Variants in ZXDC observed in about 807,000 individuals in gnomAD.
ZXDC encodes ZXD family zinc finger C.
In ZXDC, 58 loss-of-function variants were observed where a neutral mutation model predicts 63.6. That is an observed-to-expected ratio of 0.91 (90% confidence interval 0.74 to 1.13). The LOEUF (loss-of-function observed/expected upper bound fraction) is 1.13, where lower values mean the gene tolerates loss of function less well. ZXDC is among the 50% of genes most tolerant of loss of function. The pLI is 0.00. For synonymous variants in ZXDC, 561 were observed against 496.1 expected, an observed-to-expected ratio of 1.13 and a Z score of -1.74; for missense variants, 1,133 against 1,148.9, an observed-to-expected ratio of 0.99 and a Z score of 0.20.
intron 7 of ZXDC, 74 bp from the exon 8 acceptor site, chr3:126,442,020 C>T (rs1047333710): frequency 1.4e-6 from 2 of 1,432,656 alleles, no homozygotes; most frequent in Non-Finnish European, 1.8e-6. Context: ...CAAGGTCTCA[C>T]TATGGGGAAG....
intron 9 of ZXDC, among the ~76,000 whole-genome samples, chr3:126,439,168 T>C (rs1221563217): frequency 6.6e-6 from 1 of 152,252 alleles, no homozygotes; most frequent in Non-Finnish European, 1.5e-5. Context: ...ACAATTTGCA[T>C]GGCTTATTGT....
chr3:126,444,233 T>C (rs1367845733), intron 7 of ZXDC, among the ~76,000 whole-genome samples: 1 of 152,168 alleles, frequency 6.6e-6, no homozygotes, highest in African/African-American at 2.4e-5. Context: ...TGAAACATGT[T>C]ATTATATTAG....
At position 126,462,041 on chromosome 3, in the gene ZXDC, C is replaced by T. The variant is rs1934571714; in HGVS notation, c.1621G>A (p.Asp541Asn). The change falls in exon 6 of 10, where the codon GAC becomes AAC. Residue 541 changes from aspartate to asparagine, a missense_variant. Transcript: ENST00000389709. Reference sequence around the variant, plus strand: ...AGAGAGGAGCTCACAGAAGTGACGTCAATAGTCAGGATTCCGGAGTTCAGA... The same window carrying T: ...AGAGAGGAGCTCACAGAAGTGACGTTAATAGTCAGGATTCCGGAGTTCAGA... ...EALNSGILTI[D>N]VTSVSSSLGG... is the part of the protein sequence containing the mutation. The T allele has an allele frequency of 6.2e-7, 1 of 1,614,106 alleles. No individual in the cohort carries two copies. Among genetic ancestry groups the T allele is most frequent in the African/African-American group, 1.3e-5 (1 of 75,008 alleles).
chr3:126,440,704 CCTCT>C (rs767910159), intron 8 of ZXDC: 4 of 985,662 alleles, frequency 4.1e-6, no homozygotes, highest in South Asian at 4.7e-5. Flanking sequence ...TGCTCCTGCC[CCTCT>C]CTAAGACAAG....
At chr3:126,444,335 A>G (rs542748957) in intron 7 of ZXDC, among the ~76,000 whole-genome samples, 17 of 152,340 alleles carry the variant, frequency 1.1e-4, no homozygotes, top group Middle Eastern at 3.4e-3. Flanking sequence ...GATCGAGACC[A>G]TCCTGGCTAA....
intron 7 of ZXDC, chr3:126,453,530 T>G (rs1244151224): frequency 1.0e-6 from 1 of 985,472 alleles, no homozygotes; most frequent in East Asian, 1.1e-4. Context: ...ATCAAGTGTT[T>G]CTAAGACCCT....
chr3:126,466,717 T>C (rs1169676875), intron 4 of ZXDC, among the ~76,000 whole-genome samples: 1 of 152,044 alleles, frequency 6.6e-6, no homozygotes, highest in Non-Finnish European at 1.5e-5. Context: ...AAAAATGTAA[T>C]CCTAGGATGA....
intron 8 of ZXDC, chr3:126,441,410 C>G (rs545668259): frequency 2.0e-4 from 210 of 1,071,560 alleles, no homozygotes; most frequent in Non-Finnish European, 2.2e-4. Flanking sequence ...AGAAGAAGGG[C>G]AGGGTGGCCT....
chr3:126,469,317 C>T (rs1287834083), intron 4 of ZXDC, among the ~76,000 whole-genome samples: 1 of 152,188 alleles, frequency 6.6e-6, no homozygotes, highest in African/African-American at 2.4e-5. Context: ...CTGCTCTCCC[C>T]AGCACCAGTG....
At chr3:126,441,975 C>T (rs1933699068) in intron 7 of ZXDC, 29 bp from the exon 8 acceptor site, 1 of 1,563,048 alleles carries the variant, frequency 6.4e-7, no homozygotes, top group African/African-American at 1.4e-5. Context: ...ACGAGCACAC[C>T]CAATCTACAA....
At chr3:126,459,921 G>T (rs1391060979) in intron 6 of ZXDC, 184 bp from the exon 7 acceptor site, 1 of 985,346 alleles carries the variant, frequency 1.0e-6, no homozygotes, top group African/African-American at 1.7e-5. Context: ...AACAAACTTG[G>T]AGCTGGAACA....
At chr3:126,445,752 CA>C (rs1933860938) in intron 7 of ZXDC, among the ~76,000 whole-genome samples, 1 of 152,064 alleles carries the variant, frequency 6.6e-6, no homozygotes, top group African/African-American at 2.4e-5. Flanking sequence ...ACAGGGCAGC[CA>C]GGGGAGGAGG....
At chr3:126,465,202 A>G (rs1934708815) in intron 5 of ZXDC, among the ~76,000 whole-genome samples, 1 of 152,256 alleles carries the variant, frequency 6.6e-6, no homozygotes, top group Non-Finnish European at 1.5e-5. Context: ...GGATGCCATC[A>G]GCCAGGCCCG....
chr3:126,452,168 C>G (rs1934129117), intron 7 of ZXDC: 7 of 985,420 alleles, frequency 7.1e-6, no homozygotes, highest in Non-Finnish European at 8.4e-6. Context: ...GCCACGCAGC[C>G]CCAGCACCAG....
At position 126,454,610 on chromosome 3, in the gene ZXDC, G is replaced by A. The variant is rs913287135; in HGVS notation, c.2212+5043C>T. On this transcript the variant is annotated intron_variant, in intron 7 of 9. Coordinates refer to ENST00000389709, the MANE Select transcript of ZXDC (RefSeq NM_025112.5). Reference sequence around the variant, plus strand: ...ATTCAATCTTCGTCTCTTGAAAGGAGAGGTGCCCTCATTACACTTCACTGT... The same window carrying A: ...ATTCAATCTTCGTCTCTTGAAAGGAAAGGTGCCCTCATTACACTTCACTGT... 6 of 985,298 alleles carry A rather than the reference G, an allele frequency of 6.1e-6. No individual in the cohort carries two copies. The African/African-American group carries it at 8.7e-5, about 14-fold the overall frequency. The allele number at this position is 985,298 out of a possible 1,614,324, so 61.0% of individuals were successfully genotyped here. A position where few individuals can be genotyped will look rare whatever the true frequency, so the allele number is the denominator to read the frequency against.
chr3:126,453,222 A>G (rs933239983), intron 7 of ZXDC: 123 of 985,282 alleles, frequency 1.2e-4, no homozygotes, highest in Non-Finnish European at 1.4e-4. Flanking sequence ...TACAGTTAAC[A>G]TGATATCTGT....
At chr3:126,466,962 G>A (rs1334468323) in intron 4 of ZXDC, among the ~76,000 whole-genome samples, 1 of 152,204 alleles carries the variant, frequency 6.6e-6, no homozygotes, top group East Asian at 1.9e-4. Context: ...TTTCTACTAC[G>A]CTGGAGCTCT....
chr3:126,464,396 G>A (rs905754389), intron 5 of ZXDC, among the ~76,000 whole-genome samples: 1 of 152,184 alleles, frequency 6.6e-6, no homozygotes, highest in Non-Finnish European at 1.5e-5. Context: ...ACCACCATTA[G>A]GGGGACTGAA....
rs908169074 is a variant in ZXDC at position 126,438,342 on chromosome 3, G to A, written c.*33C>T. 26 of 1,574,026 alleles carry A rather than the reference G, an allele frequency of 1.7e-5. No individual in the cohort carries two copies. Among genetic ancestry groups the A allele is most frequent in the South Asian group, 8.0e-5 (7 of 87,656 alleles). On this transcript the variant is annotated 3_prime_UTR_variant, in exon 10 of 10. Transcript: ENST00000389709. ...TCTCAGGGAAGGTGTGTCCTAGACC[G>A]TGGCCTTGGGCCTGCCCAGGCCGAG...
Sources: gnomAD v4.1 joint callset for allele counts (sites outside exome capture counted in the v4.1 genomes callset) on GRCh38, gnomAD v4.1.1 for gene constraint, MANE v1.5 for transcripts, NCBI Gene and HGNC (gene_info 2026-07-23, HGNC 2026-07-21) for gene names.